EXD3: variants seen among roughly 807,000 people sequenced by gnomAD.
EXD3 encodes exonuclease 3'-5' domain containing 3, also known as exonuclease mut-7 homolog.
EXD3 carries 92 observed loss-of-function variants against 98.0 expected under a neutral mutation model. That is an observed-to-expected ratio of 0.94 (90% CI 0.79 to 1.12). The LOEUF is 1.12. EXD3 is among the 50% of genes most tolerant of loss of function. The pLI is 0.00. For synonymous variants in EXD3, 569 were observed against 526.0 expected (o/e 1.08, Z -1.12); for missense variants, 1,222 against 1,191.6 (o/e 1.03, Z -0.38).
intron 2 of EXD3, among the ~76,000 whole-genome samples, chr9:137,391,009 T>C (rs11524284): frequency 0.48 from 72,384 of 152,096 alleles, 17,451 homozygotes; most frequent in Middle Eastern, 0.56. Context: ...AGATCTGGTG[T>C]CCACACCTCT....
chr9:137,308,634 CTTTT>C (rs572242584), intron 20 of EXD3, among the ~76,000 whole-genome samples: 4 of 135,950 alleles, frequency 2.9e-5, no homozygotes, highest in South Asian at 2.3e-4. Context: ...TGGACTGACC[CTTTT>C]TTTTTTTTTT....
intron 7 of EXD3, chr9:137,365,657 ACAC>A (rs1835195023): frequency 8.1e-6 from 2 of 246,784 alleles, no homozygotes; most frequent in Non-Finnish European, 1.6e-5. Flanking sequence ...ACATGTACAC[ACAC>A]CACACGCACA....
At chr9:137,323,910 C>G in intron 18 of EXD3, 54 bp from the exon 19 acceptor site, 1 of 1,551,564 alleles carries the variant, frequency 6.4e-7, no homozygotes, top group Admixed American at 2.0e-5. Context: ...AGCACCTGCC[C>G]AGGCCCAGCC....
intron 3 of EXD3, among the ~76,000 whole-genome samples, chr9:137,378,907 C>T (rs948672922): frequency 1.7e-4 from 25 of 145,926 alleles, no homozygotes; most frequent in African/African-American, 5.0e-4. Flanking sequence ...TGCCTGGGGC[C>T]GAGGGGAATG....
At chr9:137,351,192 C>T (rs115216154) in intron 13 of EXD3, 45 bp from the exon 14 acceptor site, 86,224 of 1,539,342 alleles carry the variant, frequency 0.056, 4,514 homozygotes, top group African/African-American at 0.27. Flanking sequence ...CAGGCAGGGA[C>T]CGCACTGTCC....
intron 3 of EXD3, 24 bp downstream of exon 3, chr9:137,383,289 G>T (rs772013123): frequency 6.5e-7 from 1 of 1,543,358 alleles, no homozygotes; most frequent in African/African-American, 1.4e-5. Context: ...GACTTGGCAC[G>T]TGGTGGCTGC....
rs1233540858 is a variant in EXD3 at position 137,354,221 on chromosome 9, C to A, written c.870+118G>T. ...CACGCCCCAACATGGGGTCTGGGCT[C>A]AGCAGCCCCAGCGAAGGCCTCAGCT... On this transcript the variant is annotated intron_variant, in intron 10 of 21. Coordinates refer to ENST00000340951, the MANE Select transcript of EXD3 (RefSeq NM_017820.5). 1.9e-5 allele frequency: 28 copies of A among 1,495,480 alleles called. No homozygotes were observed. The Admixed American group carries it at 5.4e-4, about 29-fold the overall frequency. The allele number at this position is 1,495,480 out of a possible 1,614,324, so 92.6% of individuals were successfully genotyped here. A position where few individuals can be genotyped will look rare whatever the true frequency, so the allele number is the denominator to read the frequency against.
At chr9:137,343,887 C>CTTTT (rs139561838) in intron 17 of EXD3, among the ~76,000 whole-genome samples, 12 of 30,230 alleles carry the variant, frequency 4.0e-4, no homozygotes, top group African/African-American at 4.8e-4. Flanking sequence ...CGCGCCCGGC[C>CTTTT]TTTTTTTTTT....
chr9:137,385,865 C>T lies in EXD3; in HGVS notation c.56-2488G>A, dbSNP rs1022296679. 2.6e-5 allele frequency among the ~76,000 whole-genome samples: 4 copies of T among 152,090 alleles called. No homozygotes were observed. Among genetic ancestry groups the T allele is most frequent in the African/African-American group, 7.2e-5 (3 of 41,428 alleles). The stretch of plus-strand genomic sequence containing the variant: ...TTCTTTTAAAGCAGAGTTTCAGATG[C>T]GTGAGATGAGAAGGTTCTGCAGGTG... On this transcript the variant is annotated intron_variant, in intron 2 of 21. Coordinates refer to ENST00000340951, the MANE Select transcript of EXD3 (RefSeq NM_017820.5). The surrounding 1 kb of genome is among the most constrained non-coding windows in gnomAD (Gnocchi z 4.4).
chr9:137,372,403 T>C (rs11533159), intron 5 of EXD3, among the ~76,000 whole-genome samples: 120,379 of 152,234 alleles, frequency 0.79, 47,762 homozygotes, highest in East Asian at 0.87. Context: ...CTCCCACAGC[T>C]CTTCTGCTCG....
intron 1 of EXD3, among the ~76,000 whole-genome samples, chr9:137,398,265 G>A (rs978526609): frequency 2.0e-5 from 3 of 152,318 alleles, no homozygotes; most frequent in Middle Eastern, 3.4e-3. Flanking sequence ...AGCACTGCAC[G>A]CCTGGCTCTG....
At chr9:137,421,998 T>C (rs1208192221) in intron 1 of EXD3, among the ~76,000 whole-genome samples, 3 of 152,066 alleles carry the variant, frequency 2.0e-5, no homozygotes, top group African/African-American at 7.2e-5. Context: ...TAATGGTGTT[T>C]CTAAAAACTA....
At chr9:137,409,251 G>A (rs1387641766) in intron 1 of EXD3, among the ~76,000 whole-genome samples, 6 of 152,176 alleles carry the variant, frequency 3.9e-5, no homozygotes, top group Non-Finnish European at 5.9e-5. Context: ...GCCCCGAGCC[G>A]CCTCAGGACC....
chr9:137,343,640 G>C (rs1040887789), intron 17 of EXD3: 2 of 120,998 alleles, frequency 1.7e-5, no homozygotes, highest in Non-Finnish European at 3.2e-5. Flanking sequence ...CCAGGCTGGA[G>C]TGCAGTGGCG....
chr9:137,362,062 T>G (rs1835019654), intron 7 of EXD3, among the ~76,000 whole-genome samples: 1 of 152,134 alleles, frequency 6.6e-6, no homozygotes, highest in South Asian at 2.1e-4. Flanking sequence ...ATAGCCCTAT[T>G]TTAAGGAAAA....
At position 137,419,245 on chromosome 9, in the gene EXD3, T is replaced by C. The variant is rs73565530; in HGVS notation, c.-48+3869A>G. 4.2e-3 allele frequency among the ~76,000 whole-genome samples: 637 copies of C among 152,362 alleles called. 6 individuals carry two copies. Among genetic ancestry groups the C allele is most frequent in the African/African-American group, 0.015 (611 of 41,586 alleles). On this transcript the variant is annotated intron_variant, in intron 1 of 21. Coordinates refer to ENST00000340951, the MANE Select transcript of EXD3 (RefSeq NM_017820.5). ...TCTTGGTATATGTTATCAGTCGTGA[T>C]TACGATTATATGTTAAACTGTTTTA... is the stretch of plus-strand genomic sequence containing the variant.
rs539540775 is a variant in EXD3, at chr9:137,384,642, G to A, written c.56-1265C>T. ...TGTGATTGATTACACAGAAAGCCAC[G>A]AAGGATCAAAACTACGCCGTTAGAA... On this transcript the variant is annotated intron_variant, in intron 2 of 21. Coordinates refer to ENST00000340951, the MANE Select transcript of EXD3 (RefSeq NM_017820.5). Among the ~76,000 whole-genome samples, 116 of 152,354 alleles carry A rather than the reference G, an allele frequency of 7.6e-4. No homozygotes were observed. In the Middle Eastern group the frequency reaches 0.014, roughly 18 times the overall value.
At position 137,407,485 on chromosome 9, in the gene EXD3, C is replaced by T. The variant is rs558829623; in HGVS notation, c.-47-12081G>A. On this transcript the variant is annotated intron_variant, in intron 1 of 21. Transcript: ENST00000340951. The surrounding 1 kb of genome is among the most constrained non-coding windows in gnomAD (Gnocchi z 4.4). Reference sequence around the variant, plus strand: ...TGCAAAGGGCAGGTCTGGCCGCTCTCGGGCTCTGCCCTGCCAGCCCCACAA... The same window carrying T: ...TGCAAAGGGCAGGTCTGGCCGCTCTTGGGCTCTGCCCTGCCAGCCCCACAA... Among the ~76,000 whole-genome samples the T allele has an allele frequency of 2.6e-5, 4 of 152,352 alleles. No homozygotes were observed. The highest frequency in any genetic ancestry group is 2.1e-4 in the South Asian group (1 of 4,832).
chr9:137,314,718 C>T (rs1831549860), intron 19 of EXD3, among the ~76,000 whole-genome samples: 1 of 152,146 alleles, frequency 6.6e-6, no homozygotes, highest in African/African-American at 2.4e-5. Flanking sequence ...TCTCCACAGA[C>T]AGTGTGGGGG....
Sources: gnomAD v4.1 joint callset for allele counts (sites outside exome capture counted in the v4.1 genomes callset) on GRCh38, gnomAD v4.1.1 for gene constraint, Gnocchi (gnomAD v3.1) non-coding constraint, MANE v1.5 for transcripts, NCBI Gene and HGNC (gene_info 2026-07-23, HGNC 2026-07-21) for gene names.